LONRF2: variants seen among roughly 807,000 people sequenced by gnomAD.
LONRF2 encodes LON peptidase N-terminal domain and ring finger 2.
Under a neutral mutation model 66.6 loss-of-function variants are expected in LONRF2, and 35 were observed. That is an observed-to-expected ratio of 0.53 (90% CI 0.40 to 0.70). LONRF2 has a LOEUF of 0.70. Among genes scored for constraint, LONRF2 ranks in the 30% least tolerant of loss-of-function variants. LONRF2 has a pLI of 0.00. For synonymous variants in LONRF2, 417 were observed against 418.1 expected (o/e 1.00, Z 0.03); for missense variants, 902 against 1,002.1 (o/e 0.90, Z 1.35).
chr2:100,303,185 G>T, intron 2 of LONRF2, 142 bp from the exon 3 acceptor site: 1 of 842,566 alleles, frequency 1.2e-6, no homozygotes, highest in Non-Finnish European at 1.7e-6. Flanking sequence ...ATCAAAGGAT[G>T]ACTCTATCGC....
At chr2:100,302,844 A>G in intron 3 of LONRF2, 77 bp downstream of exon 3, 1 of 1,326,996 alleles carries the variant, frequency 7.5e-7, no homozygotes, top group African/African-American at 1.5e-5. Context: ...TTTATTTCAC[A>G]TGCAAGGGTT....
intron 5 of LONRF2, 87 bp downstream of exon 5, chr2:100,299,630 G>A (rs1340514234): frequency 2.8e-6 from 3 of 1,053,872 alleles, no homozygotes; most frequent in African/African-American, 1.6e-5. Flanking sequence ...ATTAAATGTT[G>A]TAAAAATTTA....
chr2:100,302,550 C>A (rs10180423), intron 3 of LONRF2, among the ~76,000 whole-genome samples: 3 of 152,010 alleles, frequency 2.0e-5, no homozygotes, highest in Non-Finnish European at 1.5e-5. Context: ...TGCTGGTGAA[C>A]CTTTGCTGAA....
intron 1 of LONRF2, among the ~76,000 whole-genome samples, chr2:100,318,849 A>G (rs1457457311): frequency 7.5e-6 from 1 of 133,116 alleles, no homozygotes; most frequent in Non-Finnish European, 1.7e-5. Flanking sequence ...AAAAAAGAAA[A>G]GGCCAGGCAT....
intron 2 of LONRF2, among the ~76,000 whole-genome samples, chr2:100,306,801 C>G (rs940883812): frequency 1.3e-5 from 2 of 152,162 alleles, no homozygotes; most frequent in Non-Finnish European, 2.9e-5. Flanking sequence ...AACTTACTTC[C>G]CATCCCCTTA....
intron 9 of LONRF2, among the ~76,000 whole-genome samples, chr2:100,293,888 C>T (rs1675011132): frequency 6.6e-6 from 1 of 152,112 alleles, no homozygotes; most frequent in East Asian, 1.9e-4. Flanking sequence ...CCGCAATTTT[C>T]CTAGACCTCA....
Position 100,272,564 on chromosome 2 carries a change from A to G in LONRF2, c.*11734T>C, listed in dbSNP as rs556499132. Among the ~76,000 whole-genome samples, 252 of 149,670 alleles carry G rather than the reference A, an allele frequency of 1.7e-3. 1 individual carries two copies. The highest frequency in any genetic ancestry group is 5.9e-3 in the African/African-American group (232 of 39,564). ...CCAGAGTATGTAGGTTAAAAAAAAG[A>G]AAAAAAAAGATGGGAAAGGTATCAT... On this transcript the variant is annotated 3_prime_UTR_variant, in exon 12 of 12. Transcript: ENST00000393437.
At position 100,321,966 on chromosome 2, in the gene LONRF2, G is replaced by C. The variant is rs1432719390; in HGVS notation, c.128C>G (p.Ala43Gly). 1.4e-6 allele frequency: 2 copies of C among 1,468,576 alleles called. No homozygotes were observed. The highest frequency in any genetic ancestry group is 1.3e-5 in the South Asian group (1 of 76,870). 91.0% of individuals were successfully genotyped at this position (1,468,576 alleles called of 1,614,324 possible). Residue 43 changes from alanine (A) to glycine (G), a missense_variant, in exon 1 of 12, where the codon GCC becomes GGC. Ala to Gly is a moderately conservative substitution (Grantham distance 60). Coordinates refer to ENST00000393437, the MANE Select transcript of LONRF2 (RefSeq NM_198461.4). ...GGCTAGCATGGAGCGAAAGAGCTCG[G>C]CTGCCATCTCGTAGTCGCCCGCGCG... ...AFRAGDYEMA[A>G]ELFRSMLAGL... is the part of the protein sequence containing the mutation.
chr2:100,295,591 T>C (rs368176696), intron 7 of LONRF2, 38 bp from the exon 8 acceptor site: 15 of 1,596,748 alleles, frequency 9.4e-6, no homozygotes, highest in South Asian at 1.1e-5. Flanking sequence ...TGTATGGTAA[T>C]TGATTCTAAA....
intron 11 of LONRF2, among the ~76,000 whole-genome samples, chr2:100,285,668 G>A (rs868071648): frequency 1.6e-4 from 24 of 152,242 alleles, no homozygotes; most frequent in Middle Eastern, 3.4e-3. Context: ...AAGAACGGTC[G>A]GAGAGAAGCA....
At chr2:100,289,549 C>T (rs1674915246) in intron 10 of LONRF2, among the ~76,000 whole-genome samples, 1 of 150,696 alleles carries the variant, frequency 6.6e-6, no homozygotes, top group South Asian at 2.1e-4. Flanking sequence ...AATTCTCCTG[C>T]CTCAGCCTCC....
chr2:100,320,089 A>G (rs1675589806), intron 1 of LONRF2, among the ~76,000 whole-genome samples: 1 of 150,898 alleles, frequency 6.6e-6, no homozygotes, highest in Non-Finnish European at 1.5e-5. Context: ...TTAAAAAAGT[A>G]AAATCTCAAT....
At chr2:100,289,579 G>A (rs1467833885) in intron 10 of LONRF2, among the ~76,000 whole-genome samples, 1 of 150,496 alleles carries the variant, frequency 6.6e-6, no homozygotes, top group Non-Finnish European at 1.5e-5. Context: ...GGGACTACAG[G>A]TGCCCGCCAC....
intron 1 of LONRF2, among the ~76,000 whole-genome samples, chr2:100,311,357 G>GA (rs5832906): frequency 0.56 from 84,847 of 150,664 alleles, 24,697 homozygotes; most frequent in East Asian, 0.76. Flanking sequence ...AGGAGATTTG[G>GA]AAAAAAAAAT....
At position 100,277,947 on chromosome 2, in the gene LONRF2, C is replaced by T. The variant is rs1440162529; in HGVS notation, c.*6351G>A. The T allele has an allele frequency of 6.6e-6, 1 of 152,160 alleles. No individual in the cohort carries two copies. The highest frequency in any genetic ancestry group is 1.5e-5 in the Non-Finnish European group (1 of 68,038). The allele number at this position is 152,160 out of a possible 1,614,324, so 9.4% of individuals were successfully genotyped here. A position where few individuals can be genotyped will look rare whatever the true frequency, so the allele number is the denominator to read the frequency against. The stretch of plus-strand genomic sequence containing the variant: ...ACACTCCTTCATCTCTTCAGAGTGG[C>T]AGGCATCACTGGAAGTCACTGAGAC... On this transcript the variant is annotated 3_prime_UTR_variant, in exon 12 of 12. Coordinates refer to ENST00000393437, the MANE Select transcript of LONRF2 (RefSeq NM_198461.4).
At chr2:100,285,372 C>A (rs549622043) in intron 11 of LONRF2, among the ~76,000 whole-genome samples, 2 of 152,170 alleles carry the variant, frequency 1.3e-5, no homozygotes, top group South Asian at 4.2e-4. Flanking sequence ...GAGAAAACAA[C>A]CTTTTATACA....
chr2:100,299,545 T>G (rs1278962438), intron 5 of LONRF2, among the ~76,000 whole-genome samples, 172 bp downstream of exon 5: 2 of 152,226 alleles, frequency 1.3e-5, no homozygotes, highest in East Asian at 3.8e-4. Context: ...TATTTTTGAC[T>G]ATGAAGTCTT....
At chr2:100,300,867 G>A (rs920230047) in intron 3 of LONRF2, 80 bp from the exon 4 acceptor site, 8 of 1,153,084 alleles carry the variant, frequency 6.9e-6, no homozygotes, top group South Asian at 5.4e-5. Flanking sequence ...TAGATTCAGA[G>A]GAAACTAAGA....
At chr2:100,284,556 G>A (rs1397246624) in intron 11 of LONRF2, 64 bp from the exon 12 acceptor site, 5 of 1,346,372 alleles carry the variant, frequency 3.7e-6, no homozygotes, top group Non-Finnish European at 4.9e-6. Context: ...CCCCAACACA[G>A]TCTTTTGCTC....
Sources: gnomAD v4.1 joint callset for allele counts (sites outside exome capture counted in the v4.1 genomes callset) on GRCh38, gnomAD v4.1.1 for gene constraint, MANE v1.5 for transcripts, NCBI Gene and HGNC (gene_info 2026-07-23, HGNC 2026-07-21) for gene names.